Variants in IGF1R observed in about 807,000 individuals in gnomAD.
IGF1R encodes insulin-like growth factor 1 receptor.
Under a neutral mutation model 144.6 loss-of-function variants are expected in IGF1R, and 44 were observed. The ratio of observed to expected loss-of-function variants is 0.30; its 90% confidence interval spans 0.24 to 0.39. The LOEUF is 0.39. Among genes scored for constraint, IGF1R ranks in the 10% least tolerant of loss-of-function variants. The pLI, the probability that IGF1R is intolerant of heterozygous loss-of-function variation, is 1.00. For missense variants in IGF1R, 1,355 were observed against 1,833.7 expected, an observed-to-expected ratio of 0.74 and a Z score of 4.77; for synonymous variants, 795 against 722.8, an observed-to-expected ratio of 1.10 and a Z score of -1.60.
At chr15:98,751,536 T>C (rs936468845) in intron 2 of IGF1R, among the ~76,000 whole-genome samples, 4 of 152,160 alleles carry the variant, frequency 2.6e-5, no homozygotes, top group Non-Finnish European at 5.9e-5. Flanking sequence ...GTAACATTCT[T>C]AAAGTTTCCC....
chr15:98,729,671 G>T (rs1454602601), intron 2 of IGF1R, among the ~76,000 whole-genome samples: 1 of 152,002 alleles, frequency 6.6e-6, no homozygotes, highest in Non-Finnish European at 1.5e-5. Flanking sequence ...ACAGTATCTG[G>T]GGGCCTCCCT....
Position 98,959,486 on chromosome 15 carries a change from C to T in IGF1R, c.*2044C>T, listed in dbSNP as rs1215281143. The T allele has an allele frequency of 4.7e-5, 11 of 233,626 alleles. No individual in the cohort carries two copies. The highest frequency in any genetic ancestry group is 8.5e-5 in the Non-Finnish European group (10 of 118,148). The allele number at this position is 233,626 out of a possible 1,614,324, so 14.5% of individuals were successfully genotyped here. On this transcript the variant is annotated 3_prime_UTR_variant, in exon 21 of 21. Transcript: ENST00000650285. ...CCAGGCTGGCCCAGGGCGGCACCCT[C>T]AGGGCTGTGCCCGCTGGAGTGCTAG...
rs1227792852 is a variant in IGF1R, at chr15:98,963,944, G to C, written c.*6502G>C. On this transcript the variant is annotated 3_prime_UTR_variant, in exon 21 of 21. Transcript: ENST00000650285. ...ACACCTGGGGTTTTTGCGCTACATAGGAGAAAGATCTGGAAACTATTTGGG... is the reference window on the plus strand; with the variant it reads ...ACACCTGGGGTTTTTGCGCTACATACGAGAAAGATCTGGAAACTATTTGGG... The C allele has an allele frequency of 4.3e-6, 1 of 233,174 alleles. No individual in the cohort carries two copies. Among genetic ancestry groups the C allele is most frequent in the Non-Finnish European group, 8.5e-6 (1 of 117,924 alleles). 14.4% of individuals were successfully genotyped at this position (233,174 alleles called of 1,614,324 possible).
chr15:98,678,411 C>G (rs146829572), intron 1 of IGF1R, among the ~76,000 whole-genome samples: 11 of 151,438 alleles, frequency 7.3e-5, no homozygotes, highest in African/African-American at 2.4e-4. Flanking sequence ...TTTACCTTCT[C>G]TGTAACAGTT....
chr15:98,782,713 G>A (rs4966027), intron 2 of IGF1R, among the ~76,000 whole-genome samples: 151,886 of 152,356 alleles, frequency 1, 75,710 homozygotes, highest in Middle Eastern at 1. Context: ...TGCAATAAAC[G>A]TGTCTTGGGT....
At chr15:98,816,693 A>G (rs1412083613) in intron 2 of IGF1R, among the ~76,000 whole-genome samples, 1 of 152,230 alleles carries the variant, frequency 6.6e-6, no homozygotes, top group East Asian at 1.9e-4. Flanking sequence ...GAGTGTAAGA[A>G]TATGAATAGC....
At chr15:98,836,757 A>G (rs1011887082) in intron 2 of IGF1R, among the ~76,000 whole-genome samples, 2 of 152,124 alleles carry the variant, frequency 1.3e-5, no homozygotes, top group Admixed American at 6.6e-5. Context: ...AAATGTGTCT[A>G]TCTTTGCTTG....
intron 20 of IGF1R, among the ~76,000 whole-genome samples, chr15:98,953,667 A>C (rs1417257718): frequency 1.3e-5 from 2 of 152,192 alleles, no homozygotes; most frequent in Admixed American, 1.3e-4. Flanking sequence ...CCACAGCTCC[A>C]CGTGTCCAGA....
In IGF1R at chr15:98,948,623, T is replaced by C. The variant is rs766741335; in HGVS notation, c.3637T>C (p.Tyr1213His). 6.2e-7 allele frequency: 1 copy of C among 1,614,184 alleles called. No individual in the cohort carries two copies. The highest frequency in any genetic ancestry group is 8.5e-7 in the Non-Finnish European group (1 of 1,180,016). ...GATCGCCACACTGGCCGAGCAGCCC[T>C]ACCAGGGCTTGTCCAACGAGCAAGT... The part of the protein sequence containing the change: ...WEIATLAEQP[Y>H]QGLSNEQVLR... The change falls in exon 20 of 21, where the codon TAC becomes CAC. Residue 1213 changes from tyrosine (Y) to histidine (H), a missense_variant. Coordinates refer to ENST00000650285, the MANE Select transcript of IGF1R (RefSeq NM_000875.5).
chr15:98,732,135 C>T (rs1374206078), intron 2 of IGF1R, among the ~76,000 whole-genome samples: 2 of 152,180 alleles, frequency 1.3e-5, no homozygotes, highest in Non-Finnish European at 2.9e-5. Flanking sequence ...ACATGGAAAC[C>T]AACCAAATGG....
intron 13 of IGF1R, among the ~76,000 whole-genome samples, chr15:98,927,426 T>C (rs147403403): frequency 2.6e-5 from 4 of 152,344 alleles, no homozygotes; most frequent in African/African-American, 7.2e-5. Flanking sequence ...CTCAGGTCTT[T>C]TGGCCTTTTC....
intron 2 of IGF1R, among the ~76,000 whole-genome samples, chr15:98,807,655 G>C (rs1487188579): frequency 6.6e-6 from 1 of 152,240 alleles, no homozygotes; most frequent in Non-Finnish European, 1.5e-5. Context: ...GGATTGTTGT[G>C]CTGTGAGGTT....
chr15:98,730,174 G>A (rs1372997464), intron 2 of IGF1R, among the ~76,000 whole-genome samples: 2 of 151,844 alleles, frequency 1.3e-5, no homozygotes, highest in Non-Finnish European at 2.9e-5. Flanking sequence ...TAATTACTTT[G>A]GGCAGGTCAC....
In IGF1R at chr15:98,958,484, C is replaced by T. The variant is rs886051571; in HGVS notation, c.*1042C>T. The T allele has an allele frequency of 4.2e-4, 88 of 208,718 alleles. No individual in the cohort carries two copies. The highest frequency in any genetic ancestry group is 3.2e-4 in the Non-Finnish European group (33 of 102,740). 12.9% of individuals were successfully genotyped at this position (208,718 alleles called of 1,614,324 possible). A position where few individuals can be genotyped will look rare whatever the true frequency, so the allele number is the denominator to read the frequency against. On this transcript the variant is annotated 3_prime_UTR_variant, in exon 21 of 21. Coordinates refer to ENST00000650285, the MANE Select transcript of IGF1R (RefSeq NM_000875.5). ...CAGCCCCACTGTTGATGCAGGTTTGCAAGGAAAGAAATTCAAACACCACAA... is the reference window on the plus strand; with the variant it reads ...CAGCCCCACTGTTGATGCAGGTTTGTAAGGAAAGAAATTCAAACACCACAA...
Position 98,958,732 on chromosome 15 carries a change from G to C in IGF1R, c.*1290G>C, listed in dbSNP as rs1373817548. ...AAAAGCTGCTATTTTTTTTGTTCTT[G>C]ATCTTTGTGGATTTAATCTATGAAA... On this transcript the variant is annotated 3_prime_UTR_variant, in exon 21 of 21. Coordinates refer to ENST00000650285, the MANE Select transcript of IGF1R (RefSeq NM_000875.5). 4.3e-6 allele frequency: 1 copy of C among 229,976 alleles called. No individual in the cohort carries two copies. The highest frequency in any genetic ancestry group is 8.6e-6 in the Non-Finnish European group (1 of 116,514). 14.2% of individuals were successfully genotyped at this position (229,976 alleles called of 1,614,324 possible).
chr15:98,907,594 A>G (rs1435808662), intron 5 of IGF1R, among the ~76,000 whole-genome samples: 2 of 152,208 alleles, frequency 1.3e-5, no homozygotes, highest in Non-Finnish European at 2.9e-5. Flanking sequence ...AGCACAGAGG[A>G]CTCAGAAGTC....
intron 2 of IGF1R, among the ~76,000 whole-genome samples, chr15:98,860,786 A>G (rs1173045735): frequency 6.6e-6 from 1 of 152,190 alleles, no homozygotes; most frequent in Non-Finnish European, 1.5e-5. Context: ...AGCCGTCTCC[A>G]TCAGCCCCTC....
chr15:98,733,775 G>A (rs1047232969), intron 2 of IGF1R, among the ~76,000 whole-genome samples: 1 of 152,164 alleles, frequency 6.6e-6, no homozygotes, highest in African/African-American at 2.4e-5. Context: ...GAAATCACAT[G>A]CTTGGGATCC....
intron 2 of IGF1R, among the ~76,000 whole-genome samples, chr15:98,714,336 A>G (rs924801018): frequency 2.6e-5 from 4 of 152,156 alleles, no homozygotes; most frequent in Non-Finnish European, 5.9e-5. Flanking sequence ...AAAGTGGAGG[A>G]CCTGTTTAAG....
Sources: allele counts gnomAD v4.1 joint callset (sites outside exome capture counted in the v4.1 genomes callset), GRCh38; gene constraint gnomAD v4.1.1; transcripts MANE v1.5; gene names NCBI Gene and HGNC (gene_info 2026-07-23, HGNC 2026-07-21).